Variants in ERCC1 observed in about 807,000 individuals in gnomAD.
The protein encoded by ERCC1 is ERCC excision repair 1, endonuclease non-catalytic subunit, also known as DNA excision repair protein ERCC-1.
In ERCC1, 36 loss-of-function variants were observed where a neutral mutation model predicts 37.6. The observed-to-expected ratio is 0.96, with a 90% CI of 0.73 to 1.26. ERCC1 has a LOEUF of 1.26. ERCC1 is among the 50% of genes most tolerant of loss of function. The pLI, the probability that ERCC1 is intolerant of heterozygous loss-of-function variation, is 0.00. For synonymous variants in ERCC1, 156 were observed against 162.1 expected, an observed-to-expected ratio of 0.96 and a Z score of 0.28; for missense variants, 349 against 376.5, an observed-to-expected ratio of 0.93 and a Z score of 0.60.
intron 1 of ERCC1, among the ~76,000 whole-genome samples, chr19:45,445,805 G>A (rs959048924): frequency 1.3e-5 from 2 of 152,150 alleles, no homozygotes; most frequent in African/African-American, 4.8e-5. Flanking sequence ...CTGAGGTGAA[G>A]TCTTTTACAG....
At chr19:45,419,228 G>T in intron 4 of ERCC1, 31 bp from the exon 5 acceptor site, 1 of 1,463,470 alleles carries the variant, frequency 6.8e-7, no homozygotes, top group Non-Finnish European at 9.4e-7. Context: ...GAGTTGAGAG[G>T]TCTCAGTCTC....
At position 45,421,949 on chromosome 19, in the gene ERCC1, G is replaced by T. The variant is rs1289650593; in HGVS notation, c.106-556C>A. Among the ~76,000 whole-genome samples, 2 of 151,662 alleles carry T rather than the reference G, an allele frequency of 1.3e-5. 1 individual carries two copies. The highest frequency in any genetic ancestry group is 4.2e-4 in the South Asian group (2 of 4,810). On this transcript the variant is annotated intron_variant, in intron 2 of 9. Transcript: ENST00000300853. ...CACTTGACCCCTCTCCCCTCTTCAG[G>T]GCTGCCCATCCTCCTTCCTCCTAAT...
upstream of ERCC1, among the ~76,000 whole-genome samples, chr19:45,428,079 C>CTTTCTTT (rs1244049987): frequency 1.6e-5 from 2 of 125,820 alleles, no homozygotes; most frequent in African/African-American, 8.2e-5. Flanking sequence ...TTCTTTCTTT[C>CTTTCTTT]TTTCTTTTTT....
At chr19:45,444,234 A>C in intron 1 of ERCC1, among the ~76,000 whole-genome samples, 78 of 140,706 alleles carry the variant, frequency 5.5e-4, no homozygotes, top group East Asian at 8.5e-4. Context: ...CCATGTCCCT[A>C]CCTCATCTCC....
upstream of ERCC1, among the ~76,000 whole-genome samples, chr19:45,428,148 A>C (rs1974746148): frequency 7.6e-6 from 1 of 131,218 alleles, no homozygotes; most frequent in Admixed American, 8.8e-5. Flanking sequence ...CGGTGGTGCG[A>C]TCACACCTCA....
At chr19:45,415,645 A>AC (rs1399408891) in intron 6 of ERCC1, among the ~76,000 whole-genome samples, 3,148 of 151,190 alleles carry the variant, frequency 0.021, 137 homozygotes, top group African/African-American at 0.074. Flanking sequence ...CAAAAAAAAA[A>AC]AAAAAAAAAA....
intron 1 of ERCC1, among the ~76,000 whole-genome samples, chr19:45,447,297 CAG>C (rs1175502705): frequency 8.4e-6 from 1 of 118,774 alleles, no homozygotes; most frequent in Non-Finnish European, 1.6e-5. Context: ...TTTTTTGAGA[CAG>C]AGATTTGCTC....
chr19:45,426,922 T>G (rs1235304498), upstream of ERCC1, among the ~76,000 whole-genome samples: 1 of 144,912 alleles, frequency 6.9e-6, no homozygotes. Flanking sequence ...ATCACGCAAT[T>G]GTACTCCAGC....
upstream of ERCC1, among the ~76,000 whole-genome samples, chr19:45,426,378 C>CA (rs71173164): frequency 0.018 from 976 of 55,320 alleles, 49 homozygotes; most frequent in African/African-American, 0.021. Context: ...GACTCTGTCT[C>CA]AAAAAAAAAA....
intron 1 of ERCC1, among the ~76,000 whole-genome samples, chr19:45,445,526 CAG>C (rs1229639094): frequency 2.0e-5 from 3 of 152,182 alleles, no homozygotes; most frequent in African/African-American, 7.2e-5. Flanking sequence ...AAAGCAGAGA[CAG>C]GGGGTTGGGG....
At chr19:45,449,574 G>A (rs1391367368) in intron 1 of ERCC1, among the ~76,000 whole-genome samples, 2 of 152,204 alleles carry the variant, frequency 1.3e-5, no homozygotes, top group African/African-American at 2.4e-5. Flanking sequence ...GCTGAGGCGG[G>A]AGGATTGCTT....
At chr19:45,437,456 T>C (rs913426316) in intron 1 of ERCC1, among the ~76,000 whole-genome samples, 6 of 152,096 alleles carry the variant, frequency 3.9e-5, no homozygotes, top group African/African-American at 1.4e-4. Flanking sequence ...AACCTAAGTG[T>C]CCATCAAGGG....
At chr19:45,416,772 G>T in intron 6 of ERCC1, 49 bp downstream of exon 6, 1 of 1,439,606 alleles carries the variant, frequency 6.9e-7, no homozygotes, top group Non-Finnish European at 9.8e-7. Flanking sequence ...GGGGAGCAGG[G>T]ACCAATCCCA....
In ERCC1 at chr19:45,413,983, T is replaced by C. The variant is rs1853805702; in HGVS notation, c.754A>G (p.Thr252Ala). 1 of 1,611,908 alleles carries C rather than the reference T, an allele frequency of 6.2e-7. No individual in the cohort carries two copies. Among genetic ancestry groups the C allele is most frequent in the Non-Finnish European group, 8.5e-7 (1 of 1,179,412 alleles). Residue 252 changes from threonine (T) to alanine (A), a missense_variant, in exon 8 of 10, where the codon ACC (threonine) becomes GCC (alanine). Physicochemically the swap from Thr to Ala is moderately conservative, Grantham distance 58 (BLOSUM62 0). Coordinates refer to ENST00000300853, the MANE Select transcript of ERCC1 (RefSeq NM_001983.4). ...VKSVNKTDSQ[T>A]LLTTFGSLEQ... is the part of the protein sequence containing the mutation. ...CTTACTCCAAATGTGGTCAGGAGGGTCTGACTGTCCGTTTTGTTGACTGAC... is the reference window on the plus strand; with the variant it reads ...CTTACTCCAAATGTGGTCAGGAGGGCCTGACTGTCCGTTTTGTTGACTGAC...
At chr19:45,437,116 A>T (rs1208790106) in intron 1 of ERCC1, among the ~76,000 whole-genome samples, 1 of 151,772 alleles carries the variant, frequency 6.6e-6, no homozygotes, top group African/African-American at 2.4e-5. Flanking sequence ...AGGCGTTGTG[A>T]CACACGCCCG....
intron 1 of ERCC1, among the ~76,000 whole-genome samples, chr19:45,430,638 C>G (rs1482026840): frequency 6.6e-6 from 1 of 152,088 alleles, no homozygotes; most frequent in Non-Finnish European, 1.5e-5. Flanking sequence ...ATAAGCGGGG[C>G]GCGGTGGCTC....
At chr19:45,435,691 C>T (rs1025372754) in intron 1 of ERCC1, among the ~76,000 whole-genome samples, 8 of 152,092 alleles carry the variant, frequency 5.3e-5, no homozygotes, top group Non-Finnish European at 1.0e-4. Context: ...CTGCTGGCCT[C>T]AAGGGATCCT....
chr19:45,414,944 G>A lies in ERCC1; in HGVS notation c.619C>T (p.Arg207Trp), dbSNP rs764503289. 6 of 1,613,326 alleles carry A rather than the reference G, an allele frequency of 3.7e-6. No homozygotes were observed. Among genetic ancestry groups the A allele is most frequent in the Middle Eastern group, 1.7e-4 (1 of 6,058 alleles). Residue 207 changes from arginine to tryptophan, a missense_variant, in exon 7 of 10, where the codon CGG becomes TGG. Transcript: ENST00000300853. ...TAGGCCTTGTAGGTCTCCAGGTACC[G>A]CCCAGCTTCCTCGGGGCTGGGATAA... is the stretch of plus-strand genomic sequence containing the variant. ...ILAWSPEEAGRYLETYKAYEQ... is the reference protein window; with the variant it reads ...ILAWSPEEAGWYLETYKAYEQ...
chr19:45,442,728 G>A (rs1393652799), intron 1 of ERCC1, among the ~76,000 whole-genome samples: 1 of 152,152 alleles, frequency 6.6e-6, no homozygotes, highest in Non-Finnish European at 1.5e-5. Context: ...GGGGAGTCAA[G>A]GAAGGCTGCC....
Sources: gnomAD v4.1 joint callset for allele counts (sites outside exome capture counted in the v4.1 genomes callset) on GRCh38, gnomAD v4.1.1 for gene constraint, MANE v1.5 for transcripts, NCBI Gene and HGNC (gene_info 2026-07-23, HGNC 2026-07-21) for gene names.